Variants in SRGAP3 observed in about 807,000 individuals in gnomAD.
SRGAP3 encodes the protein SLIT-ROBO Rho GTPase-activating protein 3.
In SRGAP3, 39 loss-of-function variants were observed where a neutral mutation model predicts 121.1. The ratio of observed to expected loss-of-function variants is 0.32; its 90% CI spans 0.25 to 0.42. SRGAP3 has a LOEUF of 0.42. SRGAP3 is among the 10% of genes least tolerant of loss of function. The pLI, the probability that SRGAP3 is intolerant of heterozygous loss-of-function variation, is 1.00. For missense variants in SRGAP3, 1,213 were observed against 1,470.6 expected, an observed-to-expected ratio of 0.82 and a Z score of 2.86; for synonymous variants, 601 against 570.0, an observed-to-expected ratio of 1.05 and a Z score of -0.77.
chr3:9,293,641 AAAAAC>A (rs930605989), intron 3 of SRGAP3, among the ~76,000 whole-genome samples: 4 of 152,226 alleles, frequency 2.6e-5, no homozygotes, highest in African/African-American at 9.6e-5. Flanking sequence ...ATTTACAAGA[AAAAAC>A]AAACAACCCC....
chr3:9,343,795 C>T (rs527439558), intron 1 of SRGAP3, among the ~76,000 whole-genome samples: 10 of 152,224 alleles, frequency 6.6e-5, no homozygotes, highest in African/African-American at 2.2e-4. Flanking sequence ...CTCAGCATCC[C>T]GAGGAGCAGG....
chr3:9,002,816 T>A (rs1942844475), intron 18 of SRGAP3, among the ~76,000 whole-genome samples: 2 of 152,144 alleles, frequency 1.3e-5, no homozygotes, highest in African/African-American at 4.8e-5. Flanking sequence ...TGAACAATTA[T>A]ATGCCAACAA....
chr3:9,026,895 C>T (rs768572619), intron 13 of SRGAP3, 40 bp downstream of exon 13: 2 of 1,608,266 alleles, frequency 1.2e-6, no homozygotes, highest in South Asian at 2.2e-5. Flanking sequence ...AGCACCTGTT[C>T]TGCAGATTGC....
At chr3:9,168,435 G>C (rs930913184) in intron 1 of SRGAP3, among the ~76,000 whole-genome samples, 3 of 152,202 alleles carry the variant, frequency 2.0e-5, no homozygotes, top group Non-Finnish European at 1.5e-5. Flanking sequence ...TAGTGCACGT[G>C]TGCCCTCCCT....
At chr3:9,303,488 A>G (rs115940101) in intron 3 of SRGAP3, among the ~76,000 whole-genome samples, 2,929 of 152,192 alleles carry the variant, frequency 0.019, 66 homozygotes, top group African/African-American at 0.062. Context: ...TCCAGTACAC[A>G]ATACAGCAGT....
chr3:9,318,811 C>A (rs535277192), intron 3 of SRGAP3, among the ~76,000 whole-genome samples: 1 of 151,212 alleles, frequency 6.6e-6, no homozygotes, highest in Non-Finnish European at 1.5e-5. Context: ...CCTGGGAGGT[C>A]GAGGCTGCAG....
intron 1 of SRGAP3, among the ~76,000 whole-genome samples, chr3:9,186,284 C>T (rs1012716868): frequency 1.3e-5 from 2 of 152,182 alleles, no homozygotes; most frequent in Non-Finnish European, 2.9e-5. Context: ...GAGAATCTGA[C>T]GTTCTATGTT....
At chr3:9,180,218 G>C (rs1017416472) in intron 1 of SRGAP3, among the ~76,000 whole-genome samples, 1 of 152,190 alleles carries the variant, frequency 6.6e-6, no homozygotes, top group Non-Finnish European at 1.5e-5. Context: ...AGATTGAGGA[G>C]GGAACACCCA....
At chr3:9,052,138 A>G (rs1294277812) in intron 9 of SRGAP3, among the ~76,000 whole-genome samples, 5 of 152,252 alleles carry the variant, frequency 3.3e-5, no homozygotes, top group Non-Finnish European at 2.9e-5. Context: ...ACAAAAGCTT[A>G]TAAGGCAAGA....
intron 9 of SRGAP3, chr3:9,049,334 T>TC (rs1352789111): frequency 4.4e-6 from 2 of 453,564 alleles, no homozygotes; most frequent in African/African-American, 4.0e-5. Flanking sequence ...GGTCCTAGGC[T>TC]CCCAGGACCT....
intron 3 of SRGAP3, among the ~76,000 whole-genome samples, chr3:9,263,808 C>T (rs1954300119): frequency 1.3e-5 from 2 of 152,298 alleles, no homozygotes; most frequent in South Asian, 4.2e-4. Flanking sequence ...GGAGCTGGTA[C>T]CATTTCTTCT....
intron 3 of SRGAP3, among the ~76,000 whole-genome samples, chr3:9,305,363 CTTTTTTTTT>C (rs1210901472): frequency 1.0e-5 from 1 of 96,732 alleles, no homozygotes; most frequent in African/African-American, 3.8e-5. Context: ...GAGGTCCTCT[CTTTTTTTTT>C]TTTTTTTTTT....
chr3:9,177,607 G>GC, intron 1 of SRGAP3, among the ~76,000 whole-genome samples: 1 of 152,228 alleles, frequency 6.6e-6, no homozygotes, highest in East Asian at 1.9e-4. Flanking sequence ...ACTGTCAGGG[G>GC]CCCAAGTCCC....
intron 3 of SRGAP3, among the ~76,000 whole-genome samples, chr3:9,264,101 C>T (rs974361207): frequency 6.6e-6 from 1 of 152,178 alleles, no homozygotes; most frequent in Non-Finnish European, 1.5e-5. Context: ...ATCACATAAA[C>T]AGAACCAATG....
At chr3:9,263,537 GATATCAC>G (rs1954294379) in intron 3 of SRGAP3, among the ~76,000 whole-genome samples, 2 of 152,186 alleles carry the variant, frequency 1.3e-5, no homozygotes, top group South Asian at 4.1e-4. Context: ...TGATAACGGG[GATATCAC>G]CACTGATCCC....
intron 9 of SRGAP3, among the ~76,000 whole-genome samples, chr3:9,051,421 A>C (rs576100326): frequency 6.6e-6 from 1 of 152,298 alleles, no homozygotes; most frequent in South Asian, 2.1e-4. Context: ...CAGGTGACAC[A>C]GGTTTGAGGA....
chr3:9,188,034 GGAT>G (rs1446632511), intron 1 of SRGAP3, among the ~76,000 whole-genome samples: 1 of 152,216 alleles, frequency 6.6e-6, no homozygotes, highest in African/African-American at 2.4e-5. Flanking sequence ...GAAGGAAGTA[GGAT>G]GAGGGGGTGA....
intron 2 of SRGAP3, among the ~76,000 whole-genome samples, chr3:9,120,912 G>A (rs1298491551): frequency 2.0e-5 from 3 of 152,202 alleles, no homozygotes; most frequent in Non-Finnish European, 2.9e-5. Flanking sequence ...AGCACAGTGC[G>A]TATTCCTGGG....
chr3:9,043,560 G>C (rs1313818300), intron 10 of SRGAP3, among the ~76,000 whole-genome samples: 1 of 152,052 alleles, frequency 6.6e-6, no homozygotes, highest in South Asian at 2.1e-4. Flanking sequence ...CTAATATGCT[G>C]TCTTTCAGCT....
Sources: allele counts gnomAD v4.1 joint callset (sites outside exome capture counted in the v4.1 genomes callset), GRCh38; gene constraint gnomAD v4.1.1; transcripts MANE v1.5; gene names NCBI Gene and HGNC (gene_info 2026-07-23, HGNC 2026-07-21).